The following ABAT variants were observed in gnomAD, a reference collection of about 807,000 sequenced individuals.
ABAT encodes 4-aminobutyrate aminotransferase, mitochondrial.
Under a neutral mutation model 64.6 loss-of-function variants are expected in ABAT, and 45 were observed. That is an observed-to-expected ratio of 0.70 (90% CI 0.55 to 0.89). The LOEUF (loss-of-function observed/expected upper bound fraction) is 0.89. Among genes scored for constraint, ABAT ranks in the 40% least tolerant of loss-of-function variants. ABAT has a pLI of 0.00. For synonymous variants in ABAT, 297 were observed against 250.5 expected (o/e 1.19, Z -1.75); for missense variants, 633 against 658.4 (o/e 0.96, Z 0.42).
At chr16:8,742,678 A>C (rs1397331135) in intron 2 of ABAT, among the ~76,000 whole-genome samples, 3 of 151,964 alleles carry the variant, frequency 2.0e-5, no homozygotes, top group Non-Finnish European at 4.4e-5. Context: ...CATCCTGGGA[A>C]ACATGGCAAA....
At chr16:8,716,511 T>C (rs2058220278) in intron 1 of ABAT, among the ~76,000 whole-genome samples, 1 of 152,162 alleles carries the variant, frequency 6.6e-6, no homozygotes, top group African/African-American at 2.4e-5. Context: ...TTTTCTTCTG[T>C]ACCCAGGGCG....
intron 14 of ABAT, among the ~76,000 whole-genome samples, chr16:8,779,225 A>G (rs1837908728): frequency 1.3e-5 from 2 of 152,198 alleles, no homozygotes; most frequent in Admixed American, 6.5e-5. Flanking sequence ...AGTGAGAGGG[A>G]CAGAGCTGGG....
chr16:8,693,120 G>A (rs995025085), intron 1 of ABAT, among the ~76,000 whole-genome samples: 2 of 152,200 alleles, frequency 1.3e-5, no homozygotes, highest in African/African-American at 4.8e-5. Context: ...CTCCCAAAGT[G>A]TTGGGATTAC....
At chr16:8,754,810 C>T (rs186918835) in intron 5 of ABAT, among the ~76,000 whole-genome samples, 1 of 151,824 alleles carries the variant, frequency 6.6e-6, no homozygotes, top group Non-Finnish European at 1.5e-5. Flanking sequence ...CCTCTGCCCC[C>T]CTGGTTCAAG....
At chr16:8,763,351 T>C (rs1253359237) in intron 6 of ABAT, among the ~76,000 whole-genome samples, 3 of 152,154 alleles carry the variant, frequency 2.0e-5, no homozygotes, top group Admixed American at 6.5e-5. Flanking sequence ...TCACTACTTA[T>C]CCTAGACCCA....
At chr16:8,679,060 T>C (rs921076382) in intron 1 of ABAT, among the ~76,000 whole-genome samples, 9 of 152,110 alleles carry the variant, frequency 5.9e-5, no homozygotes, top group African/African-American at 2.2e-4. Context: ...GTCTCACGTC[T>C]GCGATCCCAG....
At chr16:8,732,837 G>A (rs1470042447) in intron 1 of ABAT, among the ~76,000 whole-genome samples, 8 of 150,860 alleles carry the variant, frequency 5.3e-5, no homozygotes, top group African/African-American at 2.0e-4. Flanking sequence ...CGGGGCGGCT[G>A]GCCGGGCAGA....
At chr16:8,734,237 C>T (rs533582138) in intron 1 of ABAT, among the ~76,000 whole-genome samples, 4 of 152,322 alleles carry the variant, frequency 2.6e-5, no homozygotes, top group Admixed American at 6.5e-5. Flanking sequence ...CTTCAAGGCA[C>T]TTCTCCCCAT....
intron 1 of ABAT, among the ~76,000 whole-genome samples, chr16:8,706,125 A>G (rs992159088): frequency 6.6e-6 from 1 of 152,066 alleles, no homozygotes; most frequent in Admixed American, 6.6e-5. Context: ...AAAGATACTC[A>G]TGCTGGCTGC....
At chr16:8,766,498 GA>G (rs2059950189) in intron 9 of ABAT, among the ~76,000 whole-genome samples, 1 of 151,094 alleles carries the variant, frequency 6.6e-6, no homozygotes, top group Admixed American at 6.6e-5. Context: ...CTACTAAAAA[GA>G]CAAAAATTAC....
chr16:8,768,765 A>G, intron 10 of ABAT, 60 bp from the exon 11 acceptor site: 1 of 1,611,804 alleles, frequency 6.2e-7, no homozygotes, highest in Non-Finnish European at 8.5e-7. Context: ...CTCCTTTACA[A>G]AGACGGTACT....
chr16:8,772,988 A>T lies in ABAT; in HGVS notation c.954+71A>T, dbSNP rs1012214621. 5.6e-6 allele frequency: 9 copies of T among 1,599,862 alleles called. No individual in the cohort carries two copies. The African/African-American group carries it at 1.2e-4, about 21-fold the overall frequency. On this transcript the variant is annotated intron_variant, in intron 12 of 15. Coordinates refer to ENST00000268251, the MANE Select transcript of ABAT (RefSeq NM_020686.6). ...GGTTGAGTTCCCCGAGTAACGGGCC[A>T]GCAGCACCTCTGCCTTGGAGCTTCT...
At chr16:8,698,582 C>T (rs976312090) in intron 1 of ABAT, among the ~76,000 whole-genome samples, 42 of 152,270 alleles carry the variant, frequency 2.8e-4, no homozygotes, top group Non-Finnish European at 5.4e-4. Flanking sequence ...GATCCACCTG[C>T]CTCAGCCTCC....
At chr16:8,717,745 C>T (rs117167139) in intron 1 of ABAT, among the ~76,000 whole-genome samples, 2,238 of 151,896 alleles carry the variant, frequency 0.015, 63 homozygotes, top group African/African-American at 0.051. Flanking sequence ...TTTGAGGCAA[C>T]GTATTGGGTA....
At chr16:8,733,805 A>G (rs1226785191) in intron 1 of ABAT, among the ~76,000 whole-genome samples, 1 of 151,520 alleles carries the variant, frequency 6.6e-6, no homozygotes, top group African/African-American at 2.4e-5. Context: ...TGAGAGGGAG[A>G]CCGTGGAAAG....
intron 5 of ABAT, among the ~76,000 whole-genome samples, chr16:8,753,345 T>A (rs1360103822): frequency 1.3e-5 from 2 of 152,288 alleles, no homozygotes; most frequent in South Asian, 2.1e-4. Flanking sequence ...TCCACCCACC[T>A]TGGCCTCCCA....
intron 3 of ABAT, among the ~76,000 whole-genome samples, chr16:8,746,877 T>C (rs947448429): frequency 2.0e-5 from 3 of 152,072 alleles, no homozygotes; most frequent in Non-Finnish European, 4.4e-5. Context: ...GGTAGACAGC[T>C]CTGTTGAGCA....
rs1485037155 is a variant in ABAT, at chr16:8,676,701, T to C, written c.-42+1990T>C. On this transcript the variant is annotated intron_variant, in intron 1 of 15. Coordinates refer to ENST00000268251, the MANE Select transcript of ABAT (RefSeq NM_020686.6). ...AATGAGATGCTGGAGTGGAGGCTAC[T>C]GCAGGAACCTCACTTGCATAGCTGG... Among the ~76,000 whole-genome samples, 5 of 152,352 alleles carry C rather than the reference T, an allele frequency of 3.3e-5. No homozygotes were observed. The East Asian group carries it at 9.6e-4, about 29-fold the overall frequency.
rs1013353958 is a variant in ABAT, at chr16:8,757,880, G to C, written c.366+74G>C. ...TTCACAGAATCACTGGGCAGACTTT[G>C]GCAATAGTCCTTTCATTCATTCATT... is the stretch of plus-strand genomic sequence containing the variant. On this transcript the variant is annotated intron_variant, in intron 6 of 15. Transcript: ENST00000268251. 5.4e-6 allele frequency: 8 copies of C among 1,484,586 alleles called. No homozygotes were observed. The Admixed American group carries it at 1.4e-4, about 25-fold the overall frequency. 92.0% of individuals were successfully genotyped at this position (1,484,586 alleles called of 1,614,324 possible). A position where few individuals can be genotyped will look rare whatever the true frequency, so the allele number is the denominator to read the frequency against.
Sources: allele counts gnomAD v4.1 joint callset (sites outside exome capture counted in the v4.1 genomes callset), GRCh38; gene constraint gnomAD v4.1.1; transcripts MANE v1.5; gene names NCBI Gene and HGNC (gene_info 2026-07-23, HGNC 2026-07-21).